The following TTYH2 variants were observed in gnomAD, a reference collection of about 807,000 sequenced individuals.
The protein encoded by TTYH2 is tweety family member 2.
Under a neutral mutation model 68.3 loss-of-function variants are expected in TTYH2, and 49 were observed. The ratio of observed to expected loss-of-function variants is 0.72; its 90% CI spans 0.57 to 0.91. TTYH2 has a LOEUF of 0.91. Ranked by LOEUF, TTYH2 falls within the 40% of genes least tolerant of loss-of-function variation. The probability of loss-of-function intolerance (pLI) is 0.00; values close to 1 mark genes in which losing one functional copy is unlikely to be tolerated. For missense variants in TTYH2, 631 were observed against 700.4 expected (o/e 0.90, Z 1.12); for synonymous variants, 272 against 300.8 (o/e 0.90, Z 0.99).
intron 2 of TTYH2, among the ~76,000 whole-genome samples, chr17:74,228,522 G>A (rs1487474719): frequency 6.6e-6 from 1 of 152,212 alleles, no homozygotes; most frequent in Non-Finnish European, 1.5e-5. Context: ...ATTTGTTCAT[G>A]CTGGAATGTT....
intron 13 of TTYH2, among the ~76,000 whole-genome samples, chr17:74,255,504 T>G (rs1221918776): frequency 6.6e-6 from 1 of 151,974 alleles, no homozygotes; most frequent in Non-Finnish European, 1.5e-5. Context: ...CAGGCTGGAG[T>G]GCAGTGATGT....
At chr17:74,254,920 T>C (rs918041070) in intron 13 of TTYH2, among the ~76,000 whole-genome samples, 1 of 152,184 alleles carries the variant, frequency 6.6e-6, no homozygotes, top group Non-Finnish European at 1.5e-5. Context: ...TCAATCCGTC[T>C]CAGCTCCCCA....
rs1249823547 is a variant in TTYH2, at chr17:74,232,237, A to G, written c.414+1238A>G. Among the ~76,000 whole-genome samples, 2 of 152,160 alleles carry G rather than the reference A, an allele frequency of 1.3e-5. No homozygotes were observed. Among genetic ancestry groups the G allele is most frequent in the Non-Finnish European group, 2.9e-5 (2 of 68,024 alleles). ...TCCCTTAAGCTCCTCTAAGGCTTTA[A>G]TCCCTCAGTCAACAAGGGGGGTCGG... is the stretch of plus-strand genomic sequence containing the variant. On this transcript the variant is annotated intron_variant, in intron 3 of 13. Transcript: ENST00000269346. This position sits in a 1 kb window ranked among gnomAD's most constrained non-coding sequence, Gnocchi z 5.1.
Position 74,213,957 on chromosome 17 carries a change from G to A in TTYH2, c.129+241G>A, listed in dbSNP as rs2050197266. On this transcript the variant is annotated intron_variant, in intron 1 of 13. Coordinates refer to ENST00000269346, the MANE Select transcript of TTYH2 (RefSeq NM_032646.6). The surrounding 1 kb of genome is among the most constrained non-coding windows in gnomAD (Gnocchi z 6.1). ...AAGAGATCAGAGTGAAGCGAGCGTG[G>A]GGAAGGGGAGGAAGGGCGCAAGACC... is the stretch of plus-strand genomic sequence containing the variant. Among the ~76,000 whole-genome samples, 1 of 152,106 alleles carries A rather than the reference G, an allele frequency of 6.6e-6. No individual in the cohort carries two copies. The highest frequency in any genetic ancestry group is 1.5e-5 in the Non-Finnish European group (1 of 68,018).
Position 74,243,485 on chromosome 17 carries a change from C to T in TTYH2, c.731+16C>T, listed in dbSNP as rs765805675. 1.2e-5 allele frequency: 20 copies of T among 1,612,502 alleles called. No individual in the cohort carries two copies. The highest frequency in any genetic ancestry group is 4.4e-5 in the South Asian group (4 of 91,062). ...TCCTGGCCTCGTGAGTATCCCTACC[C>T]GTGGACCTGGGACAAAGAGCTGGGC... is the stretch of plus-strand genomic sequence containing the variant. On this transcript the variant is annotated intron_variant, in intron 5 of 13. Transcript: ENST00000269346.
At position 74,244,077 on chromosome 17, in the gene TTYH2, G is replaced by A. The variant is rs554795982; in HGVS notation, c.804+28G>A. 6.2e-6 allele frequency: 10 copies of A among 1,603,150 alleles called. No individual in the cohort carries two copies. The Admixed American group carries it at 6.7e-5, about 11-fold the overall frequency. ...GAGTTGGGGGAGGGAGTGGGTGGTG[G>A]GTGGTGGTTGGTCTGCCAGGACACT... On this transcript the variant is annotated intron_variant, in intron 6 of 13. Coordinates refer to ENST00000269346, the MANE Select transcript of TTYH2 (RefSeq NM_032646.6).
At chr17:74,235,218 A>G (rs535548817) in intron 3 of TTYH2, among the ~76,000 whole-genome samples, 1 of 152,348 alleles carries the variant, frequency 6.6e-6, no homozygotes, top group African/African-American at 2.4e-5. Flanking sequence ...TGAAGTCCCC[A>G]TAACACAGAG....
chr17:74,216,746 G>A (rs191540560), intron 1 of TTYH2, among the ~76,000 whole-genome samples: 95 of 152,348 alleles, frequency 6.2e-4, no homozygotes, highest in African/African-American at 1.6e-3. Flanking sequence ...TGGCCCTGGC[G>A]GGCACCCAGC....
At position 74,232,534 on chromosome 17, in the gene TTYH2, G is replaced by T. The variant is rs555882999; in HGVS notation, c.414+1535G>T. On this transcript the variant is annotated intron_variant, in intron 3 of 13. Coordinates refer to ENST00000269346, the MANE Select transcript of TTYH2 (RefSeq NM_032646.6). This position sits in a 1 kb window ranked among gnomAD's most constrained non-coding sequence, Gnocchi z 5.1. Reference sequence around the variant, plus strand: ...CTGAGGGACAGCCAGCTCAGGCCTGGGAGGCAGAGGTGTGGCCTGCCTGGG... The same window carrying T: ...CTGAGGGACAGCCAGCTCAGGCCTGTGAGGCAGAGGTGTGGCCTGCCTGGG... 6.6e-6 allele frequency among the ~76,000 whole-genome samples: 1 copy of T among 152,320 alleles called. No homozygotes were observed. Among genetic ancestry groups the T allele is most frequent in the Admixed American group, 6.5e-5 (1 of 15,304 alleles).
Position 74,232,294 on chromosome 17 carries a change from T to C in TTYH2, c.414+1295T>C, listed in dbSNP as rs1371921618. On this transcript the variant is annotated intron_variant, in intron 3 of 13. Transcript: ENST00000269346. The surrounding 1 kb of genome is among the most constrained non-coding windows in gnomAD (Gnocchi z 5.1). ...CACCTTAAAGAGACAGCTGTGCTGCTCCTCCGTGCCCAAGTCAATTGTGGG... is the reference window on the plus strand; with the variant it reads ...CACCTTAAAGAGACAGCTGTGCTGCCCCTCCGTGCCCAAGTCAATTGTGGG... Among the ~76,000 whole-genome samples the C allele has an allele frequency of 6.6e-6, 1 of 152,134 alleles. No homozygotes were observed. The highest frequency in any genetic ancestry group is 1.5e-5 in the Non-Finnish European group (1 of 68,022).
At chr17:74,223,951 C>A (rs540517978) in intron 2 of TTYH2, among the ~76,000 whole-genome samples, 2 of 152,198 alleles carry the variant, frequency 1.3e-5, no homozygotes. Flanking sequence ...CCTTGTGGGG[C>A]GGACAAAGCT....
chr17:74,237,787 C>A (rs768673643), intron 4 of TTYH2, among the ~76,000 whole-genome samples: 1 of 152,018 alleles, frequency 6.6e-6, no homozygotes, highest in East Asian at 1.9e-4. Context: ...TGTGCCGCCA[C>A]GCCAGACTAA....
intron 2 of TTYH2, among the ~76,000 whole-genome samples, chr17:74,229,270 CTG>C (rs767430592): frequency 6.6e-6 from 1 of 152,142 alleles, no homozygotes; most frequent in Non-Finnish European, 1.5e-5. Context: ...CCAGGCCCAC[CTG>C]TGTCAGAATC....
At chr17:74,237,553 G>A (rs1416826330) in intron 4 of TTYH2, 39 bp downstream of exon 4, 9 of 1,547,376 alleles carry the variant, frequency 5.8e-6, no homozygotes, top group East Asian at 2.3e-5. Flanking sequence ...GGGCAGCAGC[G>A]GCTACATCAG....
At chr17:74,252,517 G>T in intron 11 of TTYH2, 141 bp downstream of exon 11, 1 of 1,097,282 alleles carries the variant, frequency 9.1e-7, no homozygotes, top group African/African-American at 1.6e-5. Flanking sequence ...AGCCCAACAG[G>T]CTGGCTGACT....
intron 10 of TTYH2, among the ~76,000 whole-genome samples, chr17:74,251,557 A>G (rs1231415572): frequency 6.6e-6 from 1 of 151,698 alleles, no homozygotes; most frequent in Admixed American, 6.6e-5. Context: ...AAGTCTTGGC[A>G]GCTCTCCTCT....
rs558807177 is a variant in TTYH2, at chr17:74,248,348, C to T, written c.805-663C>T. 44 of 986,136 alleles carry T rather than the reference C, an allele frequency of 4.5e-5. No individual in the cohort carries two copies. In the South Asian group the frequency reaches 1.9e-3, roughly 42 times the overall value. The allele number at this position is 986,136 out of a possible 1,614,324, so 61.1% of individuals were successfully genotyped here. Reference sequence around the variant, plus strand: ...GGGCCTGCGTCTGCTCCCACCCTGCCGCATGGGCCTTAGCAATCACTTAGC... The same window carrying T: ...GGGCCTGCGTCTGCTCCCACCCTGCTGCATGGGCCTTAGCAATCACTTAGC... On this transcript the variant is annotated intron_variant, in intron 6 of 13. Transcript: ENST00000269346.
rs58119512 is a variant in TTYH2, at chr17:74,244,855, AGTGTGTGTGTGT to A, written c.804+823_804+834del. The stretch of plus-strand genomic sequence containing the variant: ...CCAGGCTTTGATACAGTGGAGGTGC[AGTGTGTGTGTGT>A]GTGTGTGTGTGTGTGTTTGTGTGTG... On this transcript the variant is annotated intron_variant, in intron 6 of 13. Coordinates refer to ENST00000269346, the MANE Select transcript of TTYH2 (RefSeq NM_032646.6). 4.7e-5 allele frequency among the ~76,000 whole-genome samples: 7 copies of A among 149,926 alleles called. No homozygotes were observed. The East Asian group carries it at 5.9e-4, about 13-fold the overall frequency.
intron 13 of TTYH2, among the ~76,000 whole-genome samples, chr17:74,257,825 C>G (rs147848670): frequency 6.6e-6 from 1 of 152,272 alleles, no homozygotes; most frequent in Non-Finnish European, 1.5e-5. Context: ...GTTTAACAAA[C>G]TTATTATCAT....
Sources: gnomAD v4.1 joint callset for allele counts (sites outside exome capture counted in the v4.1 genomes callset) on GRCh38, gnomAD v4.1.1 for gene constraint, Gnocchi (gnomAD v3.1) non-coding constraint, MANE v1.5 for transcripts, NCBI Gene and HGNC (gene_info 2026-07-23, HGNC 2026-07-21) for gene names.